The following METTL14 variants were observed in gnomAD, a reference collection of about 807,000 sequenced individuals.
The protein encoded by METTL14 is N(6)-adenosine-methyltransferase non-catalytic subunit METTL14.
METTL14 carries 32 observed loss-of-function variants against 62.4 expected under a neutral mutation model. That is an observed-to-expected ratio of 0.51 (90% CI 0.39 to 0.69). The LOEUF (loss-of-function observed/expected upper bound fraction) is 0.69. Ranked by LOEUF, METTL14 falls within the 30% of genes least tolerant of loss-of-function variation. METTL14 has a pLI of 0.00. For missense variants in METTL14, 340 were observed against 551.9 expected (o/e 0.62, Z 3.85); for synonymous variants, 150 against 180.0 (o/e 0.83, Z 1.34).
chr4:118,692,177 T>G (rs1724268170), intron 5 of METTL14, 109 bp downstream of exon 5: 1 of 717,522 alleles, frequency 1.4e-6, no homozygotes, highest in South Asian at 1.9e-5. Flanking sequence ...GCTTGACATC[T>G]TTTTTTCGTT....
rs1232855235 is a variant in METTL14 at position 118,705,631 on chromosome 4, C to T, written c.876C>T (p.Ile292=). 1 of 1,614,056 alleles carries T rather than the reference C, an allele frequency of 6.2e-7. No individual in the cohort carries two copies. Among genetic ancestry groups the T allele is most frequent in the South Asian group, 1.1e-5 (1 of 91,078 alleles). Residue 292 remains isoleucine, a synonymous_variant, in exon 10 of 11, where the codon ATC becomes ATT. Coordinates refer to ENST00000388822, the MANE Select transcript of METTL14 (RefSeq NM_020961.4). The part of the protein sequence containing the change: ...QRTKEHCLMG[I]KGTVKRSTDG... ...TTTAGGAACACTGCCTCATGGGGAT[C>T]AAAGGAACTGTGAAGCGTAGCACAG... is the stretch of plus-strand genomic sequence containing the variant.
At chr4:118,689,055 G>A (rs1283251840) in intron 2 of METTL14, among the ~76,000 whole-genome samples, 1 of 152,018 alleles carries the variant, frequency 6.6e-6, no homozygotes, top group East Asian at 1.9e-4. Flanking sequence ...AAATTTTTTC[G>A]CTATTCTAGT....
chr4:118,702,229 C>T lies in METTL14; in HGVS notation c.738+1587C>T, dbSNP rs567234369. The stretch of plus-strand genomic sequence containing the variant: ...TCTGCTTCCCAGTTGAAGCAGTTCT[C>T]CTGCTTCAGCCTCCTGAGTAGCCAT... On this transcript the variant is annotated intron_variant, in intron 8 of 10. Coordinates refer to ENST00000388822, the MANE Select transcript of METTL14 (RefSeq NM_020961.4). Among the ~76,000 whole-genome samples the T allele has an allele frequency of 1.3e-4, 19 of 150,924 alleles. No individual in the cohort carries two copies. In the East Asian group the frequency reaches 3.7e-3, roughly 30 times the overall value.
At chr4:118,707,263 A>T (rs66500248) in intron 10 of METTL14, among the ~76,000 whole-genome samples, 43,685 of 152,014 alleles carry the variant, frequency 0.29, 7,197 homozygotes, top group Non-Finnish European at 0.37. Flanking sequence ...AAAATTTAGT[A>T]TTAGCTACAT....
At position 118,703,118 on chromosome 4, in the gene METTL14, A is replaced by G. The variant is rs899314495; in HGVS notation, c.739-817A>G. On this transcript the variant is annotated intron_variant, in intron 8 of 10. Coordinates refer to ENST00000388822, the MANE Select transcript of METTL14 (RefSeq NM_020961.4). ...AATGCTGTCCCTCCCCTAGCCCCCA[A>G]CCTGCCTCTACTATATCTTGATATG... Among the ~76,000 whole-genome samples, 4 of 151,868 alleles carry G rather than the reference A, an allele frequency of 2.6e-5. No homozygotes were observed. The South Asian group carries it at 6.2e-4, about 24-fold the overall frequency.
intron 1 of METTL14, among the ~76,000 whole-genome samples, chr4:118,685,881 A>T (rs561531131): frequency 2.0e-5 from 3 of 152,032 alleles, no homozygotes; most frequent in African/African-American, 7.3e-5. Context: ...TGGCATGTTC[A>T]CGCCAGGATG....
At chr4:118,704,079 T>G (rs75339844) in intron 9 of METTL14, 28 bp downstream of exon 9, 2 of 1,374,684 alleles carry the variant, frequency 1.5e-6, no homozygotes, top group Non-Finnish European at 1.0e-6. Flanking sequence ...TTGTTTTTTT[T>G]AATTTTTGTG....
chr4:118,705,870 G>A, intron 10 of METTL14, 49 bp downstream of exon 10: 3 of 1,385,972 alleles, frequency 2.2e-6, no homozygotes, highest in Non-Finnish European at 3.1e-6. Flanking sequence ...GGTTATGCAT[G>A]TCAAGAAATA....
In METTL14 at chr4:118,710,471, G is replaced by A; in HGVS notation, c.*169G>A. ...CTTGCTTGCAGTTGTCACACACACT[G>A]TCTGGTTTTTTTCAGGATAAATGAA... On this transcript the variant is annotated 3_prime_UTR_variant, in exon 11 of 11. Coordinates refer to ENST00000388822, the MANE Select transcript of METTL14 (RefSeq NM_020961.4). 3.1e-6 allele frequency: 2 copies of A among 653,304 alleles called. No individual in the cohort carries two copies. The highest frequency in any genetic ancestry group is 2.5e-6 in the Non-Finnish European group (1 of 393,122). 40.5% of individuals were successfully genotyped at this position (653,304 alleles called of 1,614,324 possible). A position where few individuals can be genotyped will look rare whatever the true frequency, so the allele number is the denominator to read the frequency against.
At chr4:118,708,864 G>C (rs1724836222) in intron 10 of METTL14, among the ~76,000 whole-genome samples, 1 of 152,158 alleles carries the variant, frequency 6.6e-6, no homozygotes, top group African/African-American at 2.4e-5. Flanking sequence ...CCTACAAAGG[G>C]CATGTCTGTA....
At chr4:118,694,275 A>T (rs1002545398) in intron 5 of METTL14, among the ~76,000 whole-genome samples, 161 bp from the exon 6 acceptor site, 1 of 152,188 alleles carries the variant, frequency 6.6e-6, no homozygotes, top group Non-Finnish European at 1.5e-5. Context: ...TGAAATCTGC[A>T]TACATATTAT....
At chr4:118,698,452 CAAAAAAAAAAAA>C (rs70941202) in intron 7 of METTL14, among the ~76,000 whole-genome samples, 5 of 76,658 alleles carry the variant, frequency 6.5e-5, no homozygotes, top group South Asian at 9.0e-4. Context: ...GACTCTGTCT[CAAAAAAAAAAAA>C]AAAAAAAAAA....
chr4:118,707,897 G>A (rs575452437), intron 10 of METTL14, among the ~76,000 whole-genome samples: 50 of 150,110 alleles, frequency 3.3e-4, no homozygotes, highest in Non-Finnish European at 6.5e-4. Flanking sequence ...GCAGTGGCAC[G>A]ATCTTGGCTC....
At chr4:118,706,021 A>T (rs894656932) in intron 10 of METTL14, among the ~76,000 whole-genome samples, 200 bp downstream of exon 10, 1 of 152,206 alleles carries the variant, frequency 6.6e-6, no homozygotes, top group Admixed American at 6.6e-5. Flanking sequence ...GCCCCCACAC[A>T]TGCATAACCT....
At chr4:118,704,998 A>G (rs1197702597) in intron 9 of METTL14, among the ~76,000 whole-genome samples, 1 of 152,192 alleles carries the variant, frequency 6.6e-6, no homozygotes, top group African/African-American at 2.4e-5. Flanking sequence ...GAATTGAATT[A>G]TAGTGTTGAT....
chr4:118,714,986 CTA>C lies in METTL14; in HGVS notation c.*4686_*4687del. 1 of 152,354 alleles carries C rather than the reference CTA, an allele frequency of 6.6e-6. No homozygotes were observed. The highest frequency in any genetic ancestry group is 2.1e-4 in the South Asian group (1 of 4,824). 9.4% of individuals were successfully genotyped at this position (152,354 alleles called of 1,614,324 possible). On this transcript the variant is annotated 3_prime_UTR_variant, in exon 11 of 11. Coordinates refer to ENST00000388822, the MANE Select transcript of METTL14 (RefSeq NM_020961.4). ...AAGGTTACTTGCTTGAGACAGGAAA[CTA>C]TCACCTTTGAAAGCATATTAAGTAG... is the stretch of plus-strand genomic sequence containing the variant.
At position 118,713,646 on chromosome 4, in the gene METTL14, A is replaced by G. The variant is rs1363440018; in HGVS notation, c.*3344A>G. The G allele has an allele frequency of 6.6e-6, 1 of 152,238 alleles. No homozygotes were observed. Among genetic ancestry groups the G allele is most frequent in the Non-Finnish European group, 1.5e-5 (1 of 68,046 alleles). The allele number at this position is 152,238 out of a possible 1,614,324, so 9.4% of individuals were successfully genotyped here. ...TATGCAGAAGGTCTTTCTTAGAACA[A>G]TCCTGTAATCTTAGGGTTCATGTGT... On this transcript the variant is annotated 3_prime_UTR_variant, in exon 11 of 11. Transcript: ENST00000388822.
In METTL14 at chr4:118,710,483, T is replaced by C. The variant is rs1724888950; in HGVS notation, c.*181T>C. On this transcript the variant is annotated 3_prime_UTR_variant, in exon 11 of 11. Transcript: ENST00000388822. ...TGTCACACACACTGTCTGGTTTTTT[T>C]CAGGATAAATGAATGATTCTGCCTT... 6.7e-6 allele frequency: 4 copies of C among 598,790 alleles called. No individual in the cohort carries two copies. The East Asian group carries it at 1.1e-4, about 17-fold the overall frequency. 37.1% of individuals were successfully genotyped at this position (598,790 alleles called of 1,614,324 possible).
At chr4:118,701,173 G>GTTTTTTTTT (rs370557403) in intron 8 of METTL14, among the ~76,000 whole-genome samples, 3 of 114,106 alleles carry the variant, frequency 2.6e-5, no homozygotes, top group African/African-American at 8.8e-5. Context: ...TTTTATTGGA[G>GTTTTTTTTT]TTTTTTTTTG....
Sources: allele counts gnomAD v4.1 joint callset (sites outside exome capture counted in the v4.1 genomes callset), GRCh38; gene constraint gnomAD v4.1.1; transcripts MANE v1.5; gene names NCBI Gene and HGNC (gene_info 2026-07-23, HGNC 2026-07-21).